Variants in PTPRM observed in about 807,000 individuals in gnomAD.
PTPRM encodes receptor-type tyrosine-protein phosphatase mu.
PTPRM carries 47 observed loss-of-function variants against 186.7 expected under a neutral mutation model. The observed-to-expected ratio is 0.25, with a 90% CI of 0.20 to 0.32. The LOEUF (loss-of-function observed/expected upper bound fraction) is 0.32, where lower values mean the gene tolerates loss of function less well. Ranked by LOEUF, PTPRM falls within the 10% of genes least tolerant of loss-of-function variation. PTPRM has a pLI of 1.00. For synonymous variants in PTPRM, 668 were observed against 674.9 expected (o/e 0.99, Z 0.16); for missense variants, 1,494 against 1,865.0 (o/e 0.80, Z 3.66).
intron 14 of PTPRM, among the ~76,000 whole-genome samples, chr18:8,215,258 A>G (rs1264121020): frequency 1.3e-5 from 2 of 152,168 alleles, no homozygotes; most frequent in African/African-American, 4.8e-5. Flanking sequence ...CCAATTGTAT[A>G]AACATATTTT....
At chr18:8,072,190 T>C (rs188357316) in intron 8 of PTPRM, among the ~76,000 whole-genome samples, 15 of 152,350 alleles carry the variant, frequency 9.8e-5, no homozygotes, top group Admixed American at 8.5e-4. Context: ...AATAAAGTAT[T>C]GTTGATAAGC....
chr18:7,875,734 G>C (rs1004394055), intron 2 of PTPRM, among the ~76,000 whole-genome samples: 1 of 151,828 alleles, frequency 6.6e-6, no homozygotes, highest in Non-Finnish European at 1.5e-5. Flanking sequence ...TCTCTATCCC[G>C]GTCACTCTCC....
intron 7 of PTPRM, among the ~76,000 whole-genome samples, chr18:7,957,407 G>C (rs1442153252): frequency 6.6e-6 from 1 of 152,140 alleles, no homozygotes; most frequent in African/African-American, 2.4e-5. Context: ...ATTTTGAATT[G>C]ATATTTGTAG....
intron 1 of PTPRM, among the ~76,000 whole-genome samples, chr18:7,642,709 C>G (rs754294237): frequency 2.6e-5 from 4 of 151,958 alleles, no homozygotes; most frequent in Non-Finnish European, 4.4e-5. Context: ...GTTATGTGGT[C>G]ATTTGATGTG....
At chr18:8,305,773 G>C (rs2095214909) in intron 20 of PTPRM, among the ~76,000 whole-genome samples, 1 of 152,138 alleles carries the variant, frequency 6.6e-6, no homozygotes, top group African/African-American at 2.4e-5. Context: ...TGAAAGATTG[G>C]CTGCTTCCAG....
At chr18:8,184,327 C>CA (rs2093615847) in intron 14 of PTPRM, among the ~76,000 whole-genome samples, 1 of 120,236 alleles carries the variant, frequency 8.3e-6, no homozygotes, top group Non-Finnish European at 2.1e-5. Flanking sequence ...CCTGCTGCAA[C>CA]TATGTAAAAG....
chr18:7,683,591 A>T (rs1343030517), intron 1 of PTPRM, among the ~76,000 whole-genome samples: 3 of 152,174 alleles, frequency 2.0e-5, no homozygotes, highest in African/African-American at 7.2e-5. Context: ...GACTTCCCAA[A>T]GTCACTCTTT....
intron 1 of PTPRM, among the ~76,000 whole-genome samples, chr18:7,740,239 G>A (rs1283788048): frequency 1.3e-5 from 2 of 152,118 alleles, no homozygotes; most frequent in Non-Finnish European, 2.9e-5. Flanking sequence ...ATTGTAGTAG[G>A]TTCTATTGCA....
intron 1 of PTPRM, among the ~76,000 whole-genome samples, chr18:7,626,345 A>G (rs759784868): frequency 1.1e-4 from 16 of 152,216 alleles, no homozygotes; most frequent in Non-Finnish European, 2.2e-4. Flanking sequence ...TTTGGACTTT[A>G]GCAGACTCCA....
At chr18:8,281,906 C>A (rs2147749805) in intron 19 of PTPRM, among the ~76,000 whole-genome samples, 1 of 152,036 alleles carries the variant, frequency 6.6e-6, no homozygotes, top group East Asian at 1.9e-4. Context: ...AATTCTTAGC[C>A]ATTACACCAA....
At chr18:8,074,070 CACTTG>C (rs1050495370) in intron 8 of PTPRM, among the ~76,000 whole-genome samples, 1 of 152,114 alleles carries the variant, frequency 6.6e-6, no homozygotes, top group African/African-American at 2.4e-5. Context: ...TGCCAAACAA[CACTTG>C]ACTTTAATTG....
At chr18:7,765,753 C>T (rs1478715132) in intron 1 of PTPRM, among the ~76,000 whole-genome samples, 1 of 152,120 alleles carries the variant, frequency 6.6e-6, no homozygotes, top group Non-Finnish European at 1.5e-5. Context: ...GATCTGCCTT[C>T]TCTATTGAGA....
chr18:8,194,542 T>C (rs1055898667), intron 14 of PTPRM, among the ~76,000 whole-genome samples: 1 of 152,240 alleles, frequency 6.6e-6, no homozygotes, highest in Non-Finnish European at 1.5e-5. Flanking sequence ...GGCCCCTTTA[T>C]GAATAGGAGC....
In PTPRM at chr18:7,584,090, T is replaced by G. The variant is rs373770511; in HGVS notation, c.73+16199T>G. ...GGTATATAGTACTCTACAGTGGTTATGTACTTTGCTTATTTAAATAACATT... is the reference window on the plus strand; with the variant it reads ...GGTATATAGTACTCTACAGTGGTTAGGTACTTTGCTTATTTAAATAACATT... On this transcript the variant is annotated intron_variant, in intron 1 of 32. Coordinates refer to ENST00000580170, the MANE Select transcript of PTPRM (RefSeq NM_001105244.2). Among the ~76,000 whole-genome samples the G allele has an allele frequency of 5.3e-5, 8 of 152,354 alleles. No homozygotes were observed. In the South Asian group the frequency reaches 1.4e-3, roughly 28 times the overall value.
At position 7,656,117 on chromosome 18, in the gene PTPRM, A is replaced by G. The variant is rs555436566; in HGVS notation, c.73+88226A>G. On this transcript the variant is annotated intron_variant, in intron 1 of 32. Transcript: ENST00000580170. ...ATTAAAATCAAAGTCTCTAAAAGAA[A>G]TTTGCACACACATGTTCATTGCAGC... 4.6e-5 allele frequency among the ~76,000 whole-genome samples: 7 copies of G among 152,360 alleles called. No individual in the cohort carries two copies. In the South Asian group the frequency reaches 1.4e-3, roughly 32 times the overall value.
At position 8,339,711 on chromosome 18, in the gene PTPRM, T is replaced by C. The variant is rs115188876; in HGVS notation, c.2957-3712T>C. On this transcript the variant is annotated intron_variant, in intron 22 of 32. Coordinates refer to ENST00000580170, the MANE Select transcript of PTPRM (RefSeq NM_001105244.2). ...CCTCCCTGTGTACCAGGCTCACATCTTTGGACTTGTGATGTTGGCTCATGA... is the reference window on the plus strand; with the variant it reads ...CCTCCCTGTGTACCAGGCTCACATCCTTGGACTTGTGATGTTGGCTCATGA... 8.9e-3 allele frequency among the ~76,000 whole-genome samples: 1,351 copies of C among 152,074 alleles called. 6 individuals carry two copies. The highest frequency in any genetic ancestry group is 0.014 in the African/African-American group (588 of 41,482).
At chr18:8,204,084 A>C (rs1191647471) in intron 14 of PTPRM, among the ~76,000 whole-genome samples, 1 of 152,182 alleles carries the variant, frequency 6.6e-6, no homozygotes, top group Non-Finnish European at 1.5e-5. Context: ...AAGAAATTCA[A>C]ATCACTTGAT....
At chr18:8,211,097 C>A (rs368051861) in intron 14 of PTPRM, among the ~76,000 whole-genome samples, 3 of 152,112 alleles carry the variant, frequency 2.0e-5, no homozygotes, top group East Asian at 1.9e-4. Flanking sequence ...TCCAGAGAAA[C>A]TTGGAGAGGA....
chr18:8,055,011 A>T (rs2087817549), intron 7 of PTPRM, among the ~76,000 whole-genome samples: 1 of 151,962 alleles, frequency 6.6e-6, no homozygotes, highest in Non-Finnish European at 1.5e-5. Flanking sequence ...ATCTGCCATT[A>T]CTTTGTAGGT....
Sources: gnomAD v4.1 joint callset for allele counts (sites outside exome capture counted in the v4.1 genomes callset) on GRCh38, gnomAD v4.1.1 for gene constraint, MANE v1.5 for transcripts, NCBI Gene and HGNC (gene_info 2026-07-23, HGNC 2026-07-21) for gene names.